Variants in TAFA5 observed in about 807,000 individuals in gnomAD.
The protein encoded by TAFA5 is chemokine-like protein TAFA-5.
TAFA5 carries 6 observed loss-of-function variants against 15.3 expected under a neutral mutation model. The observed-to-expected ratio is 0.39, with a 90% confidence interval of 0.21 to 0.77. The LOEUF is 0.77. TAFA5 is among the 30% of genes least tolerant of loss of function. The pLI, the probability that TAFA5 is intolerant of heterozygous loss-of-function variation, is 0.41. For synonymous variants in TAFA5, 103 were observed against 80.7 expected (o/e 1.28, Z -1.48); for missense variants, 161 against 193.1 (o/e 0.83, Z 0.98).
chr22:48,550,525 T>C lies in TAFA5; in HGVS notation c.112+60821T>C, dbSNP rs1236748936. ...CAGGTGCCCCTGGGAAATGCCGGCA[T>C]TGTGTGAAGGAGTGTCTTGTATCAA... On this transcript the variant is annotated intron_variant, in intron 1 of 3. Transcript: ENST00000402357. This position sits in a 1 kb window ranked among gnomAD's most constrained non-coding sequence, Gnocchi z 4.1. 6.6e-6 allele frequency among the ~76,000 whole-genome samples: 1 copy of C among 152,160 alleles called. No homozygotes were observed. Among genetic ancestry groups the C allele is most frequent in the African/African-American group, 2.4e-5 (1 of 41,440 alleles).
intron 1 of TAFA5, among the ~76,000 whole-genome samples, chr22:48,555,656 G>T (rs1923010780): frequency 6.6e-6 from 1 of 152,218 alleles, no homozygotes; most frequent in Non-Finnish European, 1.5e-5. Context: ...GGCACCCCGT[G>T]GTCTGTGGCC....
chr22:48,648,695 G>A (rs545009437), intron 2 of TAFA5, among the ~76,000 whole-genome samples: 4 of 152,250 alleles, frequency 2.6e-5, no homozygotes, highest in East Asian at 3.9e-4. Flanking sequence ...AAAATTACCC[G>A]GGCGTGGTGG....
chr22:48,746,106 C>T (rs979936990), intron 3 of TAFA5, among the ~76,000 whole-genome samples: 2 of 152,010 alleles, frequency 1.3e-5, no homozygotes, highest in Non-Finnish European at 2.9e-5. Context: ...CGTGTGTCCC[C>T]AGGATCCGCC....
At chr22:48,676,249 C>T (rs1364336294) in intron 2 of TAFA5, among the ~76,000 whole-genome samples, 1 of 152,240 alleles carries the variant, frequency 6.6e-6, no homozygotes, top group Non-Finnish European at 1.5e-5. Context: ...GTCCCTCCCA[C>T]CTGGGGTCCA....
chr22:48,605,243 A>ATCT (rs1925128157), intron 1 of TAFA5, among the ~76,000 whole-genome samples: 1 of 49,082 alleles, frequency 2.0e-5, no homozygotes, highest in Non-Finnish European at 4.6e-5. Context: ...AATGATGGTG[A>ATCT]TGATGGTGAT....
intron 1 of TAFA5, among the ~76,000 whole-genome samples, chr22:48,558,821 G>A (rs898175094): frequency 2.0e-5 from 3 of 152,232 alleles, no homozygotes; most frequent in Non-Finnish European, 4.4e-5. Flanking sequence ...GGGTGCCCAC[G>A]TGTGCCAGGT....
At chr22:48,739,878 C>T (rs1001385321) in intron 3 of TAFA5, among the ~76,000 whole-genome samples, 2 of 152,144 alleles carry the variant, frequency 1.3e-5, no homozygotes, top group Admixed American at 1.3e-4. Context: ...GCGCGAGGCA[C>T]GATTACTCCA....
chr22:48,736,029 C>T (rs1930007851), intron 3 of TAFA5, among the ~76,000 whole-genome samples: 1 of 88,320 alleles, frequency 1.1e-5, no homozygotes, highest in Admixed American at 1.1e-4. Context: ...GAATGAGAAT[C>T]GCACTCCTAG....
At chr22:48,693,527 C>G in intron 2 of TAFA5, 2 of 1,460,760 alleles carry the variant, frequency 1.4e-6, no homozygotes, top group Non-Finnish European at 1.8e-6. Context: ...AGGTGAGGCC[C>G]GCAGGAGGGG....
intron 2 of TAFA5, among the ~76,000 whole-genome samples, chr22:48,698,071 G>GGTGGTA (rs923825499): frequency 1.3e-5 from 2 of 149,384 alleles, no homozygotes; most frequent in African/African-American, 4.9e-5. Flanking sequence ...TCATAATGAT[G>GGTGGTA]GTGATGGTGA....
intron 2 of TAFA5, among the ~76,000 whole-genome samples, chr22:48,684,240 T>C (rs1368719181): frequency 6.6e-6 from 1 of 151,996 alleles, no homozygotes; most frequent in African/African-American, 2.4e-5. Flanking sequence ...CTGTCTCCTG[T>C]GGGATCAGGG....
chr22:48,679,720 G>A (rs1331453892), intron 2 of TAFA5, among the ~76,000 whole-genome samples: 13 of 101,732 alleles, frequency 1.3e-4, no homozygotes, highest in African/African-American at 5.3e-4. Flanking sequence ...TCCCTCTCCC[G>A]GCTCCCCGTC....
intron 1 of TAFA5, among the ~76,000 whole-genome samples, chr22:48,613,921 T>C (rs1925502144): frequency 6.6e-6 from 1 of 152,190 alleles, no homozygotes; most frequent in Non-Finnish European, 1.5e-5. Flanking sequence ...GTCTGGAGAT[T>C]GGCCGGTGGC....
At chr22:48,710,697 G>A (rs6010598) in intron 3 of TAFA5, among the ~76,000 whole-genome samples, 46,664 of 152,104 alleles carry the variant, frequency 0.31, 7,445 homozygotes, top group East Asian at 0.53. Flanking sequence ...GGCATTTGAG[G>A]CAGAGGCTGA....
intron 1 of TAFA5, among the ~76,000 whole-genome samples, chr22:48,512,889 G>C (rs133509): frequency 0.78 from 112,812 of 144,298 alleles, 44,820 homozygotes; most frequent in Middle Eastern, 0.92. Flanking sequence ...TGCCACTGCA[G>C]TCCAGCCTGG....
At chr22:48,611,445 C>T (rs1338080500) in intron 1 of TAFA5, among the ~76,000 whole-genome samples, 1 of 152,208 alleles carries the variant, frequency 6.6e-6, no homozygotes, top group Non-Finnish European at 1.5e-5. Context: ...CAGACACAGC[C>T]ACCCCTGGAA....
Position 48,510,413 on chromosome 22 carries a change from G to A in TAFA5, c.112+20709G>A, listed in dbSNP as rs534239250. Among the ~76,000 whole-genome samples, 214 of 152,354 alleles carry A rather than the reference G, an allele frequency of 1.4e-3. 1 individual carries two copies. Among genetic ancestry groups the A allele is most frequent in the African/African-American group, 5.0e-3 (207 of 41,584 alleles). On this transcript the variant is annotated intron_variant, in intron 1 of 3. Coordinates refer to ENST00000402357, the MANE Select transcript of TAFA5 (RefSeq NM_001082967.3). ...TATGAATAGATATTTCTCAAAAGAA[G>A]ACATCCAGATGTTCACCATGGCTCT... is the stretch of plus-strand genomic sequence containing the variant.
At chr22:48,588,265 T>A (rs1924432541) in intron 1 of TAFA5, among the ~76,000 whole-genome samples, 1 of 152,106 alleles carries the variant, frequency 6.6e-6, no homozygotes, top group Non-Finnish European at 1.5e-5. Flanking sequence ...GTCACCTCCT[T>A]TGCTCCTCAG....
intron 1 of TAFA5, among the ~76,000 whole-genome samples, chr22:48,502,950 A>T (rs1397628672): frequency 6.6e-6 from 1 of 152,034 alleles, no homozygotes; most frequent in Non-Finnish European, 1.5e-5. Flanking sequence ...GTCATATAGG[A>T]CTCATGTTCA....
Sources: allele counts gnomAD v4.1 joint callset (sites outside exome capture counted in the v4.1 genomes callset), GRCh38; gene constraint gnomAD v4.1.1; non-coding constraint Gnocchi (gnomAD v3.1); transcripts MANE v1.5; gene names NCBI Gene and HGNC (gene_info 2026-07-23, HGNC 2026-07-21).